MAGI2: variants seen among roughly 807,000 people sequenced by gnomAD.
The protein encoded by MAGI2 is membrane associated guanylate kinase, WW and PDZ domain containing 2, also known as membrane-associated guanylate kinase, WW and PDZ domain-containing protein 2.
MAGI2 carries 35 observed loss-of-function variants against 133.3 expected under a neutral mutation model. That is an observed-to-expected ratio of 0.26 (90% CI 0.20 to 0.35). The LOEUF (loss-of-function observed/expected upper bound fraction) is 0.35. Among genes scored for constraint, MAGI2 ranks in the 10% least tolerant of loss-of-function variants. The pLI is 1.00. For missense variants in MAGI2, 1,636 were observed against 1,863.4 expected (o/e 0.88, Z 2.25); for synonymous variants, 729 against 710.6 (o/e 1.03, Z -0.41).
intron 1 of MAGI2, among the ~76,000 whole-genome samples, chr7:79,111,217 T>C (rs1818900281): frequency 6.6e-6 from 1 of 152,238 alleles, no homozygotes; most frequent in South Asian, 2.1e-4. Context: ...ACTCAGACTT[T>C]TTGTTGTTGT....
In MAGI2 at chr7:79,363,254, C is replaced by T. The variant is rs548063023; in HGVS notation, c.301+89766G>A. Among the ~76,000 whole-genome samples, 7 of 150,514 alleles carry T rather than the reference C, an allele frequency of 4.7e-5. 1 individual carries two copies. In the South Asian group the frequency reaches 6.4e-4, roughly 14 times the overall value. On this transcript the variant is annotated intron_variant, in intron 1 of 21. Coordinates refer to ENST00000354212, the MANE Select transcript of MAGI2 (RefSeq NM_012301.4). ...GTTTAAAAATGTATGCTGAAAGCTT[C>T]GTAATGCTGATCAAATAAATACATG...
intron 2 of MAGI2, among the ~76,000 whole-genome samples, chr7:78,754,116 C>T (rs1214628922): frequency 6.6e-6 from 1 of 152,014 alleles, no homozygotes; most frequent in African/African-American, 2.4e-5. Flanking sequence ...TTAAAACTGG[C>T]CTGTAATCCC....
At chr7:78,103,821 C>G (rs1818413717) in intron 20 of MAGI2, among the ~76,000 whole-genome samples, 1 of 152,244 alleles carries the variant, frequency 6.6e-6, no homozygotes, top group Non-Finnish European at 1.5e-5. Context: ...CCCTTTCATG[C>G]TTGCATGATT....
intron 2 of MAGI2, among the ~76,000 whole-genome samples, chr7:78,883,643 T>A (rs1642895): frequency 0.61 from 92,909 of 151,884 alleles, 29,710 homozygotes; most frequent in Middle Eastern, 0.75. Context: ...ACAGTAACCA[T>A]AACAGAATGG....
chr7:78,300,496 T>C (rs1013763283), intron 9 of MAGI2, among the ~76,000 whole-genome samples: 2 of 152,180 alleles, frequency 1.3e-5, no homozygotes, highest in East Asian at 3.8e-4. Context: ...AATTTTCATA[T>C]AAGTAAAACA....
chr7:78,019,526 G>A lies in MAGI2; in HGVS notation c.4157C>T (p.Ala1386Val), dbSNP rs1426280339. 1.0e-6 allele frequency: 1 copy of A among 980,248 alleles called. No homozygotes were observed. The highest frequency in any genetic ancestry group is 1.2e-6 in the Non-Finnish European group (1 of 828,200). The allele number at this position is 980,248 out of a possible 1,614,324, so 60.7% of individuals were successfully genotyped here. A position where few individuals can be genotyped will look rare whatever the true frequency, so the allele number is the denominator to read the frequency against. The change falls in exon 22 of 22, where the codon GCG becomes GTG. Residue 1386 changes from alanine to valine, a missense_variant. By Grantham distance (64) the Ala-to-Val change is moderately conservative (BLOSUM62 0). Transcript: ENST00000354212. ...ELCRREGPGA[A>V]PAFAGPGGGG... ...GCCGCCCGGGCCGGCAAACGCCGGC[G>A]CAGCCCCCGGGCCTTCGCGCCGGCA...
chr7:78,184,495 G>A (rs1827495839), intron 13 of MAGI2: 1 of 152,150 alleles, frequency 6.6e-6, no homozygotes, highest in Non-Finnish European at 1.5e-5. Context: ...TGGATAATGA[G>A]CTGTCATCAT....
At chr7:79,357,597 A>G (rs937716526) in intron 1 of MAGI2, among the ~76,000 whole-genome samples, 1 of 152,180 alleles carries the variant, frequency 6.6e-6, no homozygotes, top group Non-Finnish European at 1.5e-5. Flanking sequence ...TTAAATGCGG[A>G]AACTAAGAGA....
chr7:78,282,017 A>T (rs916870940), intron 9 of MAGI2, among the ~76,000 whole-genome samples: 1 of 130,760 alleles, frequency 7.6e-6, no homozygotes, highest in African/African-American at 3.1e-5. Flanking sequence ...ATCAGAAAAC[A>T]TGTTTCTAAT....
At chr7:78,922,122 A>ATTCTTTCTTTCT (rs71095367) in intron 2 of MAGI2, among the ~76,000 whole-genome samples, 203 of 146,240 alleles carry the variant, frequency 1.4e-3, no homozygotes, top group Middle Eastern at 6.9e-3. Flanking sequence ...AGTACACTTG[A>ATTCTTTCTTTCT]TTCTTTCTTT....
chr7:78,772,806 T>A (rs1489357188), intron 2 of MAGI2, among the ~76,000 whole-genome samples: 1 of 152,158 alleles, frequency 6.6e-6, no homozygotes, highest in African/African-American at 2.4e-5. Flanking sequence ...AAAAAAATCT[T>A]CCCTCGAAAA....
chr7:78,260,407 A>G (rs1326523895), intron 9 of MAGI2, among the ~76,000 whole-genome samples: 1 of 152,120 alleles, frequency 6.6e-6, no homozygotes, highest in Non-Finnish European at 1.5e-5. Flanking sequence ...CCTACTTAAG[A>G]CGGAGAATTG....
In MAGI2 at chr7:78,017,783, A is replaced by C. The variant is rs138059233; in HGVS notation, c.*1532T>G. 2 of 152,584 alleles carry C rather than the reference A, an allele frequency of 1.3e-5. No individual in the cohort carries two copies. The highest frequency in any genetic ancestry group is 4.8e-5 in the African/African-American group (2 of 41,596). 9.5% of individuals were successfully genotyped at this position (152,584 alleles called of 1,614,324 possible). ...TACAAGGAGAGGGAATGATCAGCCCAGGGAGGCTATTACGTGTGACCTTTG... is the reference window on the plus strand; with the variant it reads ...TACAAGGAGAGGGAATGATCAGCCCCGGGAGGCTATTACGTGTGACCTTTG... On this transcript the variant is annotated 3_prime_UTR_variant, in exon 22 of 22. Transcript: ENST00000354212.
At chr7:79,274,895 A>G (rs1338793476) in intron 1 of MAGI2, among the ~76,000 whole-genome samples, 2 of 152,098 alleles carry the variant, frequency 1.3e-5, no homozygotes, top group Non-Finnish European at 2.9e-5. Context: ...TATTATTATA[A>G]TCATTTTGGG....
At chr7:78,435,437 A>C (rs1800190736) in intron 6 of MAGI2, among the ~76,000 whole-genome samples, 1 of 152,082 alleles carries the variant, frequency 6.6e-6, no homozygotes, top group African/African-American at 2.4e-5. Context: ...CCTGCTTCTC[A>C]CCAGTGGACA....
At chr7:79,304,116 G>A (rs1358136579) in intron 1 of MAGI2, among the ~76,000 whole-genome samples, 1 of 151,106 alleles carries the variant, frequency 6.6e-6, no homozygotes, top group Non-Finnish European at 1.5e-5. Flanking sequence ...AAATTATAGT[G>A]TAATAAGACC....
chr7:79,362,662 G>C (rs192454239), intron 1 of MAGI2, among the ~76,000 whole-genome samples: 1 of 152,012 alleles, frequency 6.6e-6, no homozygotes, highest in East Asian at 1.9e-4. Context: ...GTAATCTATC[G>C]TATCAACAAG....
At chr7:78,566,544 A>G (rs1330731730) in intron 3 of MAGI2, among the ~76,000 whole-genome samples, 2 of 151,650 alleles carry the variant, frequency 1.3e-5, no homozygotes, top group Non-Finnish European at 2.9e-5. Context: ...AAAAAAAAAA[A>G]AAAAAACAGA....
At chr7:78,268,000 C>CCCTCG (rs1794184540) in intron 9 of MAGI2, among the ~76,000 whole-genome samples, 1 of 152,104 alleles carries the variant, frequency 6.6e-6, no homozygotes, top group Non-Finnish European at 1.5e-5. Flanking sequence ...GTTGCCCCCT[C>CCCTCG]CCTCTGTACG....
Sources: allele counts gnomAD v4.1 joint callset (sites outside exome capture counted in the v4.1 genomes callset), GRCh38; gene constraint gnomAD v4.1.1; transcripts MANE v1.5; gene names NCBI Gene and HGNC (gene_info 2026-07-23, HGNC 2026-07-21).